EDARADD: variants seen among roughly 807,000 people sequenced by gnomAD.
The protein encoded by EDARADD is EDAR associated via death domain, also known as ectodysplasin-A receptor-associated adapter protein.
A neutral mutation model predicts 25.6 loss-of-function variants in EDARADD; 20 were observed. The observed-to-expected ratio is 0.78, with a 90% confidence interval of 0.55 to 1.14. The LOEUF (loss-of-function observed/expected upper bound fraction) is 1.14, where lower values mean the gene tolerates loss of function less well. Ranked by LOEUF, EDARADD falls within the 50% of genes most tolerant of loss-of-function variation. The pLI is 0.00. For missense variants in EDARADD, 225 were observed against 270.1 expected (o/e 0.83, Z 1.17); for synonymous variants, 86 against 94.4 (o/e 0.91, Z 0.52).
At chr1:236,465,723 A>C (rs529161332) in intron 4 of EDARADD, among the ~76,000 whole-genome samples, 1 of 152,284 alleles carries the variant, frequency 6.6e-6, no homozygotes, top group South Asian at 2.1e-4. Flanking sequence ...GGGTTTTTAC[A>C]TATTAGCTGC....
At chr1:236,425,498 G>T (rs561062155) in intron 3 of EDARADD, among the ~76,000 whole-genome samples, 1 of 152,140 alleles carries the variant, frequency 6.6e-6, no homozygotes, top group Non-Finnish European at 1.5e-5. Flanking sequence ...GACCGCCCCC[G>T]TGGCTGACCT....
intron 4 of EDARADD, among the ~76,000 whole-genome samples, chr1:236,462,791 C>G (rs996780010): frequency 2.6e-5 from 4 of 152,156 alleles, no homozygotes; most frequent in African/African-American, 9.7e-5. Context: ...AGATAATTCC[C>G]TTGTACTCAC....
intron 4 of EDARADD, among the ~76,000 whole-genome samples, chr1:236,433,499 C>T (rs1252136536): frequency 2.7e-5 from 4 of 149,930 alleles, no homozygotes; most frequent in African/African-American, 7.3e-5. Context: ...TTAGTAGAGA[C>T]GGGGTTTCAC....
Position 236,484,049 on chromosome 1 carries a change from C to A in EDARADD, c.*1400C>A. ...ACCCAGTGGTGTCTACTGAAGATCCCTTTGACCAGGATGACTGGGGAGCTT... is the reference window on the plus strand; with the variant it reads ...ACCCAGTGGTGTCTACTGAAGATCCATTTGACCAGGATGACTGGGGAGCTT... On this transcript the variant is annotated 3_prime_UTR_variant, in exon 6 of 6. Coordinates refer to ENST00000334232, the MANE Select transcript of EDARADD (RefSeq NM_145861.4). The surrounding 1 kb of genome is among the most constrained non-coding windows in gnomAD (Gnocchi z 4.1). 6 of 1,566,590 alleles carry A rather than the reference C, an allele frequency of 3.8e-6. No homozygotes were observed. In the South Asian group the frequency reaches 4.4e-5, roughly 12 times the overall value.
rs1258359471 is a variant in EDARADD, at chr1:236,482,972, G to A, written c.*323G>A. 6 of 604,874 alleles carry A rather than the reference G, an allele frequency of 9.9e-6. No homozygotes were observed. Among genetic ancestry groups the A allele is most frequent in the Admixed American group, 6.0e-5 (2 of 33,546 alleles). 37.5% of individuals were successfully genotyped at this position (604,874 alleles called of 1,614,324 possible). ...TAAAATTATCCTCTCTCTGAAATAC[G>A]GTAAAGATTTAAATAGGTCCTGAGA... On this transcript the variant is annotated 3_prime_UTR_variant, in exon 6 of 6. Transcript: ENST00000334232.
At chr1:236,375,883 TC>T (rs1194863769) in intron 3 of EDARADD, among the ~76,000 whole-genome samples, 57 of 150,552 alleles carry the variant, frequency 3.8e-4, no homozygotes, top group African/African-American at 1.2e-3. Context: ...TGAGCCCCTG[TC>T]TCTAAAAAGA....
intron 3 of EDARADD, among the ~76,000 whole-genome samples, chr1:236,380,153 A>G (rs886796373): frequency 1.3e-4 from 20 of 151,928 alleles, no homozygotes; most frequent in Non-Finnish European, 2.6e-4. Context: ...AGAAAACCTG[A>G]TTGGATAAAA....
rs181390614 is a variant in EDARADD, at chr1:236,414,658, G to C, written c.160+359G>C. ...TGTTTAAAAAGCGGGAACTGGCCAG[G>C]CGCGGTGGCTCGCACCTGTAATCCC... On this transcript the variant is annotated intron_variant, in intron 3 of 5. Transcript: ENST00000334232. 7.6e-3 allele frequency among the ~76,000 whole-genome samples: 1,159 copies of C among 152,216 alleles called. 12 individuals are homozygous for C. The highest frequency in any genetic ancestry group is 0.027 in the African/African-American group (1,103 of 41,532).
intron 3 of EDARADD, among the ~76,000 whole-genome samples, chr1:236,421,614 C>T (rs892494741): frequency 5.3e-5 from 8 of 151,474 alleles, no homozygotes; most frequent in Admixed American, 2.6e-4. Flanking sequence ...TCTCCTGCCG[C>T]AGCCTCCTGT....
At position 236,352,705 on chromosome 1, in the gene EDARADD, G is replaced by A. The variant is rs182010532; in HGVS notation, c.-6+1866G>A. ...TCTACTAAAAATACAAAAATTAGCC[G>A]GGCGTGGTGGTGGGCACCTGTAATC... On this transcript the variant is annotated intron_variant, in intron 3 of 7. Coordinates refer to the EDARADD transcript ENST00000439430. Among the ~76,000 whole-genome samples, 1,131 of 152,212 alleles carry A rather than the reference G, an allele frequency of 7.4e-3. 10 individuals carry two copies. The highest frequency in any genetic ancestry group is 0.012 in the Non-Finnish European group (789 of 68,012).
chr1:236,467,309 T>C lies in EDARADD; in HGVS notation c.220-922T>C, dbSNP rs182498204. On this transcript the variant is annotated intron_variant, in intron 4 of 5. Transcript: ENST00000334232. The stretch of plus-strand genomic sequence containing the variant: ...TTCAGTACTGTGGGTGGGGGTGGGG[T>C]GGGGGGTGACATTAGCTGATGAGAA... Among the ~76,000 whole-genome samples the C allele has an allele frequency of 6.4e-3, 841 of 132,072 alleles. 3 individuals are homozygous for C. Among genetic ancestry groups the C allele is most frequent in the African/African-American group, 0.021 (742 of 35,880 alleles). 86.6% of individuals were successfully genotyped at this position (132,072 alleles called of 152,430 possible).
intron 1 of EDARADD, among the ~76,000 whole-genome samples, chr1:236,405,725 T>TTTTC (rs1227603633): frequency 0.016 from 1,896 of 120,508 alleles, 65 homozygotes; most frequent in East Asian, 0.11. Context: ...CTTCCTTTCT[T>TTTTC]TTTCTTTCTT....
chr1:236,475,466 T>TA (rs1158490823), intron 5 of EDARADD, among the ~76,000 whole-genome samples: 1 of 152,158 alleles, frequency 6.6e-6, no homozygotes, highest in Non-Finnish European at 1.5e-5. Flanking sequence ...TCACTTGTGT[T>TA]ATTGAAAACA....
At chr1:236,460,217 C>T (rs1360593236) in intron 4 of EDARADD, among the ~76,000 whole-genome samples, 4 of 148,080 alleles carry the variant, frequency 2.7e-5, no homozygotes, top group Admixed American at 2.1e-4. Flanking sequence ...CAGGGTCCCA[C>T]TCTGTCACCC....
At chr1:236,425,970 C>CT (rs146276703) in intron 3 of EDARADD, among the ~76,000 whole-genome samples, 13 of 150,166 alleles carry the variant, frequency 8.7e-5, no homozygotes, top group Admixed American at 2.0e-4. Context: ...TTTTTCTTAT[C>CT]TTTTTTTTTT....
chr1:236,404,488 G>A (rs1324096637), intron 1 of EDARADD, among the ~76,000 whole-genome samples: 1 of 152,188 alleles, frequency 6.6e-6, no homozygotes, highest in African/African-American at 2.4e-5. Context: ...GTCAATGAGT[G>A]TATTTGGCAG....
chr1:236,357,729 G>C lies in EDARADD; in HGVS notation c.-6+6890G>C, dbSNP rs145113100. Among the ~76,000 whole-genome samples the C allele has an allele frequency of 5.9e-5, 9 of 152,030 alleles. No individual in the cohort carries two copies. The East Asian group carries it at 1.4e-3, about 23-fold the overall frequency. Reference sequence around the variant, plus strand: ...CACTCGCCAGTGTGAGAATAGCACCGAGACGTGAGGGATCTGCCCCAGTGA... The same window carrying C: ...CACTCGCCAGTGTGAGAATAGCACCCAGACGTGAGGGATCTGCCCCAGTGA... On this transcript the variant is annotated intron_variant, in intron 3 of 7. Transcript: ENST00000439430.
At chr1:236,464,884 A>G (rs1659146127) in intron 4 of EDARADD, among the ~76,000 whole-genome samples, 1 of 151,830 alleles carries the variant, frequency 6.6e-6, no homozygotes, top group Admixed American at 6.6e-5. Context: ...CTTCACTTCC[A>G]GTCATTTCTT....
rs556746282 is a variant in EDARADD, at chr1:236,441,537, T to A, written c.219+14087T>A. On this transcript the variant is annotated intron_variant, in intron 4 of 5. Transcript: ENST00000334232. ...ATATTTATATATTATATATATATAT[T>A]TTTTGAGATGGAGTCTCACTCTATT... 4.7e-5 allele frequency among the ~76,000 whole-genome samples: 7 copies of A among 148,174 alleles called. No individual in the cohort carries two copies. The East Asian group carries it at 9.7e-4, about 21-fold the overall frequency.
Sources: gnomAD v4.1 joint callset for allele counts (sites outside exome capture counted in the v4.1 genomes callset) on GRCh38, gnomAD v4.1.1 for gene constraint, Gnocchi (gnomAD v3.1) non-coding constraint, MANE v1.5 for transcripts, NCBI Gene and HGNC (gene_info 2026-07-23, HGNC 2026-07-21) for gene names.